RHCE: variants seen among roughly 807,000 people sequenced by gnomAD.
RHCE encodes blood group Rh(CE) polypeptide.
RHCE carries 22 observed loss-of-function variants against 43.8 expected under a neutral mutation model. The ratio of observed to expected loss-of-function variants is 0.50; its 90% CI spans 0.36 to 0.72. The LOEUF is 0.72. Ranked by LOEUF, RHCE falls within the 30% of genes least tolerant of loss-of-function variation. RHCE has a pLI of 0.00. For missense variants in RHCE, 385 were observed against 525.4 expected (o/e 0.73, Z 2.61); for synonymous variants, 156 against 210.7 (o/e 0.74, Z 2.25).
chr1:25,410,575 G>T (rs1647042105), intron 1 of RHCE, among the ~76,000 whole-genome samples: 1 of 151,750 alleles, frequency 6.6e-6, no homozygotes, highest in Admixed American at 6.6e-5. Flanking sequence ...GGGAACCACA[G>T]GCGCGCACCA....
chr1:25,374,112 T>C lies in RHCE; in HGVS notation c.1153+1237A>G, dbSNP rs181219634. Reference sequence around the variant, plus strand: ...CTGGGATTACAGGCGTGAGCCACTGTGCCTGGCCTGAATGTGTATTTTCTT... The same window carrying C: ...CTGGGATTACAGGCGTGAGCCACTGCGCCTGGCCTGAATGTGTATTTTCTT... On this transcript the variant is annotated intron_variant, in intron 8 of 9. Coordinates refer to ENST00000294413, the MANE Select transcript of RHCE (RefSeq NM_020485.8). Among the ~76,000 whole-genome samples, 15 of 151,068 alleles carry C rather than the reference T, an allele frequency of 9.9e-5. 1 individual carries two copies. Among genetic ancestry groups the C allele is most frequent in the East Asian group, 9.7e-4 (5 of 5,138 alleles).
intron 6 of RHCE, among the ~76,000 whole-genome samples, chr1:25,387,692 C>T (rs1170765632): frequency 6.6e-6 from 1 of 152,088 alleles, no homozygotes; most frequent in Admixed American, 6.6e-5. Context: ...TTTGGTCAAT[C>T]GAAGTATTGA....
rs1333227775 is a variant in RHCE, at chr1:25,390,772, G to A, written c.778C>T (p.His260Tyr). 6.2e-6 allele frequency: 10 copies of A among 1,614,248 alleles called. No individual in the cohort carries two copies. The highest frequency in any genetic ancestry group is 4.0e-5 in the African/African-American group (3 of 75,072). ...ACCATGCTGATCTTCCTTTGGGGGTGAGCCAAGGATGACCCTGAGATGGCT... is the reference window on the plus strand; with the variant it reads ...ACCATGCTGATCTTCCTTTGGGGGTAAGCCAAGGATGACCCTGAGATGGCT... ...VTAISGSSLA[H>Y]PQRKISMTYV... The change falls in exon 5 of 10, where the codon CAC (histidine) becomes TAC (tyrosine). Residue 260 changes from histidine (H) to tyrosine (Y), a missense_variant. Physicochemically the swap from His to Tyr is moderately conservative, Grantham distance 83. Around this residue, in one of 6 missense-constraint regions of RHCE, gnomAD observed 56 missense variants for 90.0 expected, o/e 0.62. Transcript: ENST00000294413.
At chr1:25,415,383 T>C (rs142641874) in intron 1 of RHCE, among the ~76,000 whole-genome samples, 2,813 of 152,350 alleles carry the variant, frequency 0.018, 91 homozygotes, top group African/African-American at 0.065. Flanking sequence ...CCAGGCATGG[T>C]GGCTCACGCC....
chr1:25,405,039 A>G (rs375408451), intron 2 of RHCE, among the ~76,000 whole-genome samples: 2 of 147,204 alleles, frequency 1.4e-5, no homozygotes, highest in African/African-American at 5.4e-5. Flanking sequence ...AAAAGCAAAA[A>G]AAAAAAAAAA....
At chr1:25,397,389 C>T (rs979618364) in intron 3 of RHCE, among the ~76,000 whole-genome samples, 3 of 150,550 alleles carry the variant, frequency 2.0e-5, no homozygotes, top group African/African-American at 4.9e-5. Flanking sequence ...CTCAGCTACT[C>T]GGGAAGCTGA....
intron 5 of RHCE, 50 bp downstream of exon 5, chr1:25,390,699 T>C: frequency 5.6e-6 from 9 of 1,610,122 alleles, no homozygotes; most frequent in Non-Finnish European, 6.8e-6. Flanking sequence ...TAAATATGTG[T>C]GCTAGTCCTG....
intron 3 of RHCE, among the ~76,000 whole-genome samples, chr1:25,402,194 G>A (rs1571894200): frequency 1.5e-5 from 2 of 136,814 alleles, no homozygotes; most frequent in African/African-American, 5.3e-5. Flanking sequence ...CTGTCTGTCT[G>A]TCTGTCTGTC....
chr1:25,381,456 T>C (rs1426777208), intron 7 of RHCE, among the ~76,000 whole-genome samples: 2 of 147,470 alleles, frequency 1.4e-5, no homozygotes, highest in Non-Finnish European at 3.0e-5. Context: ...TTTTTCTTTT[T>C]CTTTTTTTTT....
chr1:25,383,647 A>G (rs1045046303), intron 7 of RHCE, among the ~76,000 whole-genome samples: 1 of 152,088 alleles, frequency 6.6e-6, no homozygotes, highest in African/African-American at 2.4e-5. Context: ...CTTCCGGAAG[A>G]GAGATCATCA....
Position 25,408,809 on chromosome 1 carries a change from C to T in RHCE, c.209G>A (p.Arg70Gln), listed in dbSNP as rs371998475. 7.8e-7 allele frequency: 1 copy of T among 1,282,810 alleles called. No homozygotes were observed. The highest frequency in any genetic ancestry group is 1.4e-5 in the African/African-American group (1 of 72,624). 79.5% of individuals were successfully genotyped at this position (1,282,810 alleles called of 1,614,324 possible). ...GGCCACACTGCTCCAGCTGTGTCTCCGGAAATTTGAGGTGAGGAAGCCCAA... is the reference window on the plus strand; with the variant it reads ...GGCCACACTGCTCCAGCTGTGTCTCTGGAAATTTGAGGTGAGGAAGCCCAA... Reference protein sequence around the residue: ...LGLGFLTSNFRRHSWSSVAFN... With the variant: ...LGLGFLTSNFQRHSWSSVAFN... The change falls in exon 2 of 10, where the codon CGG (arginine) becomes CAG (glutamine). Residue 70 changes from arginine (R) to glutamine (Q), a missense_variant. Arg to Gln is a conservative substitution (Grantham distance 43). Transcript: ENST00000294413.
chr1:25,390,794 G>T lies in RHCE; in HGVS notation c.756C>A (p.Ala252=). 6.2e-7 allele frequency: 1 copy of T among 1,614,230 alleles called. No homozygotes were observed. The highest frequency in any genetic ancestry group is 8.5e-7 in the Non-Finnish European group (1 of 1,180,034). Residue 252 remains alanine (A), a synonymous_variant, in exon 5 of 10, where the codon GCC becomes GCA. Transcript: ENST00000294413. ...YYALAVSVVT[A]ISGSSLAHPQ... ...GGTGAGCCAAGGATGACCCTGAGATGGCTGTCACCACACTGACTGCTAGAG... is the reference window on the plus strand; with the variant it reads ...GGTGAGCCAAGGATGACCCTGAGATTGCTGTCACCACACTGACTGCTAGAG...
At chr1:25,413,833 A>G (rs1453709765) in intron 1 of RHCE, among the ~76,000 whole-genome samples, 2 of 152,024 alleles carry the variant, frequency 1.3e-5, no homozygotes, top group Admixed American at 1.3e-4. Context: ...AAATGGTAGC[A>G]GGAGGATTCA....
intron 4 of RHCE, among the ~76,000 whole-genome samples, chr1:25,391,237 T>C (rs1449045888): frequency 6.6e-6 from 1 of 152,142 alleles, no homozygotes; most frequent in Non-Finnish European, 1.5e-5. Flanking sequence ...CAGGCTGGAG[T>C]GCAGTGGCGC....
In RHCE at chr1:25,389,056, G is replaced by C. The variant is rs1646272613; in HGVS notation, c.859C>G (p.Leu287Val). The change falls in exon 6 of 10, where the codon CTG (leucine) becomes GTG (valine). Residue 287 changes from leucine (L) to valine (V), a missense_variant. Physicochemically the swap from Leu to Val is conservative, Grantham distance 32. Coordinates refer to ENST00000294413, the MANE Select transcript of RHCE (RefSeq NM_020485.8). Reference protein sequence around the residue: ...GGVAVGTSCHLIPSPWLAMVL... With the variant: ...GGVAVGTSCHVIPSPWLAMVL... ...ATGGCAAGCCACGGAGAAGGGATCA[G>C]GTGACACGAGGTACCCACAGCCACG... is the stretch of plus-strand genomic sequence containing the variant. The C allele has an allele frequency of 6.2e-7, 1 of 1,614,060 alleles. No homozygotes were observed. The highest frequency in any genetic ancestry group is 8.5e-7 in the Non-Finnish European group (1 of 1,180,032).
intron 1 of RHCE, among the ~76,000 whole-genome samples, chr1:25,418,789 T>C (rs936708591): frequency 2.6e-5 from 4 of 152,218 alleles, no homozygotes; most frequent in African/African-American, 9.6e-5. Context: ...AAGCCTCCCC[T>C]GACACCATCG....
chr1:25,385,601 A>C, intron 7 of RHCE, 110 bp downstream of exon 7: 1 of 1,479,234 alleles, frequency 6.8e-7, no homozygotes. Context: ...ACCGAAGCCT[A>C]CTGAGCACCT....
At chr1:25,373,485 C>A (rs951404120) in intron 8 of RHCE, among the ~76,000 whole-genome samples, 2 of 151,840 alleles carry the variant, frequency 1.3e-5, no homozygotes, top group East Asian at 1.9e-4. Flanking sequence ...CTTCTTCACA[C>A]AGACTCTGCC....
At chr1:25,428,441 T>C (rs1388532295) in intron 2 of RHCE, among the ~76,000 whole-genome samples, 4 of 152,232 alleles carry the variant, frequency 2.6e-5, no homozygotes, top group African/African-American at 9.6e-5. Flanking sequence ...ACACATAGCA[T>C]TCTGTTCATA....
Sources: allele counts gnomAD v4.1 joint callset (sites outside exome capture counted in the v4.1 genomes callset), GRCh38; gene constraint gnomAD v4.1.1; regional missense constraint gnomAD v4.1.1; transcripts MANE v1.5; gene names NCBI Gene and HGNC (gene_info 2026-07-23, HGNC 2026-07-21).